The following BDP1 variants were observed in gnomAD, a reference collection of about 807,000 sequenced individuals.
BDP1 encodes the protein BDP1 general transcription factor IIIB subunit.
In BDP1, 169 loss-of-function variants were observed where a neutral mutation model predicts 266.6. That is an observed-to-expected ratio of 0.63 (90% confidence interval 0.56 to 0.72). BDP1 has a LOEUF of 0.72. Ranked by LOEUF, BDP1 falls within the 30% of genes least tolerant of loss-of-function variation. BDP1 has a pLI of 0.00. For missense variants in BDP1, 3,015 were observed against 3,053.8 expected, an observed-to-expected ratio of 0.99 and a Z score of 0.30; for synonymous variants, 1,090 against 1,022.4, an observed-to-expected ratio of 1.07 and a Z score of -1.26.
intron 20 of BDP1, 44 bp downstream of exon 20, chr5:71,515,166 T>C: frequency 2.2e-6 from 3 of 1,360,696 alleles, no homozygotes; most frequent in Non-Finnish European, 3.0e-6. Context: ...AGAGAGATAC[T>C]TCTTTTAAAT....
Position 71,465,130 on chromosome 5 carries a change from A to G in BDP1, c.660-966A>G, listed in dbSNP as rs371523777. ...AAGTAATCCTCTCGCCTCAGCCTCC[A>G]AAAGTACTAGGATTACAGGCATGAG... On this transcript the variant is annotated intron_variant, in intron 4 of 38. Transcript: ENST00000358731. Among the ~76,000 whole-genome samples the G allele has an allele frequency of 3.3e-5, 5 of 152,028 alleles. No homozygotes were observed. In the East Asian group the frequency reaches 9.6e-4, roughly 29 times the overall value.
In BDP1 at chr5:71,515,885, C is replaced by T. The variant is rs115822141; in HGVS notation, c.4650-176C>T. 7.4e-3 allele frequency among the ~76,000 whole-genome samples: 1,131 copies of T among 152,258 alleles called. 17 individuals carry two copies. Among genetic ancestry groups the T allele is most frequent in the African/African-American group, 0.026 (1,078 of 41,542 alleles). ...AAGTTTATTACCTTTTAAGAATTGACATAACTGTTTTCTTTTGTAAAATAA... is the reference window on the plus strand; with the variant it reads ...AAGTTTATTACCTTTTAAGAATTGATATAACTGTTTTCTTTTGTAAAATAA... On this transcript the variant is annotated intron_variant, in intron 20 of 38. Coordinates refer to ENST00000358731, the MANE Select transcript of BDP1 (RefSeq NM_018429.3).
Position 71,564,924 on chromosome 5 carries a change from G to A in BDP1, c.*39G>A. On this transcript the variant is annotated 3_prime_UTR_variant, in exon 39 of 39. Coordinates refer to ENST00000358731, the MANE Select transcript of BDP1 (RefSeq NM_018429.3). The stretch of plus-strand genomic sequence containing the variant: ...CTTTTTCTTTTTTAAATTAGGTCTA[G>A]GATTTCCAGAGTCAATTACATCAAC... The A allele has an allele frequency of 6.5e-7, 1 of 1,546,192 alleles. No homozygotes were observed. The highest frequency in any genetic ancestry group is 1.4e-5 in the African/African-American group (1 of 72,010).
chr5:71,553,175 G>A lies in BDP1; in HGVS notation c.7055G>A (p.Arg2352Lys). Residue 2352 changes from arginine to lysine, a missense_variant, in exon 35 of 39, where the codon AGA becomes AAA. By Grantham distance (26) the Arg-to-Lys change is conservative. Transcript: ENST00000358731. ...GCCATGGGTTTATCTATTTCTGGAAGAGATAATTCTAAAAAGCCGCCTGAT... is the reference window on the plus strand; with the variant it reads ...GCCATGGGTTTATCTATTTCTGGAAAAGATAATTCTAAAAAGCCGCCTGAT... ...QDAMGLSISG[R>K]DNSKKPPDNL... 1 of 1,613,206 alleles carries A rather than the reference G, an allele frequency of 6.2e-7. No homozygotes were observed. Among genetic ancestry groups the A allele is most frequent in the Non-Finnish European group, 8.5e-7 (1 of 1,179,856 alleles).
At chr5:71,572,633 C>T (rs996895764), downstream of BDP1, among the ~76,000 whole-genome samples, 3 of 152,140 alleles carry the variant, frequency 2.0e-5, no homozygotes, top group Non-Finnish European at 2.9e-5. Flanking sequence ...CTTAAAGTTT[C>T]GTTGAAACAA....
chr5:71,486,734 A>G (rs1217639027), intron 9 of BDP1, 107 bp downstream of exon 9: 1 of 869,492 alleles, frequency 1.2e-6, no homozygotes, highest in Non-Finnish European at 1.7e-6. Context: ...AGTTAAGATC[A>G]TCAAAGCATC....
chr5:71,546,764 A>G (rs1198463941), intron 32 of BDP1, among the ~76,000 whole-genome samples: 1 of 152,080 alleles, frequency 6.6e-6, no homozygotes, highest in Non-Finnish European at 1.5e-5. Context: ...ACTCAGTATT[A>G]CTACACTATT....
chr5:71,502,706 C>A lies in BDP1; in HGVS notation c.2156C>A (p.Ala719Asp), dbSNP rs764325549. Reference sequence around the variant, plus strand: ...CCAAAGCCAAATGCAGGTAAAGCTGCTGAAAGAAAAGAAATTCTCATATCA... The same window carrying A: ...CCAAAGCCAAATGCAGGTAAAGCTGATGAAAGAAAAGAAATTCTCATATCA... ...QKPKPNAGKA[A>D]ERKEILISQE... Residue 719 changes from alanine (A) to aspartate (D), a missense_variant, in exon 15 of 39, where the codon GCT (alanine) becomes GAT (aspartate). Around this residue, in one of 3 missense-constraint regions of BDP1, gnomAD observed 2,383 missense variants for 2,404.9 expected, o/e 0.99. Coordinates refer to ENST00000358731, the MANE Select transcript of BDP1 (RefSeq NM_018429.3). 1 of 1,613,852 alleles carries A rather than the reference C, an allele frequency of 6.2e-7. No individual in the cohort carries two copies. Among genetic ancestry groups the A allele is most frequent in the South Asian group, 1.1e-5 (1 of 91,058 alleles).
intron 31 of BDP1, 68 bp from the exon 32 acceptor site, chr5:71,544,970 AC>A: frequency 7.0e-7 from 1 of 1,434,950 alleles, no homozygotes; most frequent in Non-Finnish European, 9.8e-7. Context: ...TCTTTTACAC[AC>A]CTAGCTCTAA....
chr5:71,481,064 C>G (rs1446088218), intron 7 of BDP1, among the ~76,000 whole-genome samples: 1 of 151,598 alleles, frequency 6.6e-6, no homozygotes, highest in East Asian at 2.0e-4. Context: ...GTCCCAGCTA[C>G]TTGGGAGGCT....
intron 7 of BDP1, among the ~76,000 whole-genome samples, chr5:71,477,019 T>C (rs1762631845): frequency 6.6e-6 from 1 of 151,992 alleles, no homozygotes; most frequent in Admixed American, 6.5e-5. Flanking sequence ...ACCTTTTTTT[T>C]TTTTTAAGTA....
intron 38 of BDP1, chr5:71,562,764 C>G: frequency 7.2e-7 from 1 of 1,398,404 alleles, no homozygotes; most frequent in Non-Finnish European, 9.4e-7. Flanking sequence ...ATAGCCATTC[C>G]TTTAATCTAG....
At chr5:71,487,230 G>T (rs1198132572) in intron 9 of BDP1, among the ~76,000 whole-genome samples, 1 of 151,966 alleles carries the variant, frequency 6.6e-6, no homozygotes, top group Admixed American at 6.6e-5. Flanking sequence ...CCCCCTTTGT[G>T]TTGTTTTTTT....
intron 2 of BDP1, 88 bp downstream of exon 2, chr5:71,458,943 A>C: frequency 7.7e-7 from 1 of 1,294,968 alleles, no homozygotes; most frequent in South Asian, 1.4e-5. Flanking sequence ...TAGCATTTTG[A>C]TGGGGGAACA....
chr5:71,496,167 G>C (rs1207336999), intron 12 of BDP1, among the ~76,000 whole-genome samples: 5 of 151,342 alleles, frequency 3.3e-5, no homozygotes, highest in Admixed American at 1.3e-4. Context: ...GCGTGAACCT[G>C]GGAGGTAGAA....
chr5:71,524,329 GT>G lies in BDP1; in HGVS notation c.5772+15del, dbSNP rs566784054. 23 of 1,557,830 alleles carry G rather than the reference GT, an allele frequency of 1.5e-5. No homozygotes were observed. Among genetic ancestry groups the G allele is most frequent in the Admixed American group, 1.2e-4 (6 of 51,694 alleles). Reference sequence around the variant, plus strand: ...TTGAGGAAACAATGGAAGAGGTTCGGTTTTTTTTTAAAACCTTGGTACTTTA... The same window carrying G: ...TTGAGGAAACAATGGAAGAGGTTCGGTTTTTTTTAAAACCTTGGTACTTTA... On this transcript the variant is annotated splice_region_variant and intron_variant, in intron 25 of 38. Coordinates refer to ENST00000358731, the MANE Select transcript of BDP1 (RefSeq NM_018429.3).
intron 19 of BDP1, among the ~76,000 whole-genome samples, chr5:71,513,626 G>A (rs761917639): frequency 2.6e-4 from 39 of 152,054 alleles, no homozygotes; most frequent in Non-Finnish European, 3.7e-4. Context: ...GTGGGAAAGC[G>A]TTCAGGTCTG....
intron 32 of BDP1, among the ~76,000 whole-genome samples, chr5:71,547,977 T>A (rs942585777): frequency 6.6e-6 from 1 of 151,598 alleles, no homozygotes; most frequent in African/African-American, 2.4e-5. Context: ...ATAAATAAAA[T>A]AATAAAAGAT....
At chr5:71,496,624 C>T (rs1763910567) in intron 12 of BDP1, among the ~76,000 whole-genome samples, 2 of 152,076 alleles carry the variant, frequency 1.3e-5, no homozygotes, top group South Asian at 4.1e-4. Context: ...CTCTTGTCAC[C>T]CAGGCTGGAG....
Sources: gnomAD v4.1 joint callset for allele counts (sites outside exome capture counted in the v4.1 genomes callset) on GRCh38, gnomAD v4.1.1 for gene constraint, gnomAD v4.1.1 regional missense constraint, MANE v1.5 for transcripts, NCBI Gene and HGNC (gene_info 2026-07-23, HGNC 2026-07-21) for gene names.